The following FAM228B variants were observed in gnomAD, a reference collection of about 807,000 sequenced individuals.
FAM228B encodes the protein protein FAM228B.
A neutral mutation model predicts 42.6 loss-of-function variants in FAM228B; 38 were observed. The observed-to-expected ratio is 0.89, with a 90% confidence interval of 0.69 to 1.17. FAM228B has a LOEUF of 1.17. Ranked by LOEUF, FAM228B falls within the 50% of genes most tolerant of loss-of-function variation. The pLI is 0.00. For synonymous variants in FAM228B, 109 were observed against 122.3 expected, an observed-to-expected ratio of 0.89 and a Z score of 0.72; for missense variants, 344 against 367.3, an observed-to-expected ratio of 0.94 and a Z score of 0.52.
In FAM228B at chr2:24,077,464, C is replaced by T; in HGVS notation, c.-290+495C>T. 1 of 1,269,984 alleles carries T rather than the reference C, an allele frequency of 7.9e-7. No homozygotes were observed. The highest frequency in any genetic ancestry group is 1.7e-5 in the South Asian group (1 of 58,794). 78.7% of individuals were successfully genotyped at this position (1,269,984 alleles called of 1,614,324 possible). ...TTCACTCTTTATTTCCTCATATCAG[C>T]TTTAAACGGCTCTGGAGGAAGCACC... On this transcript the variant is annotated intron_variant, in intron 1 of 10. Coordinates refer to the FAM228B transcript ENST00000613899. This position sits in a 1 kb window ranked among gnomAD's most constrained non-coding sequence, Gnocchi z 5.5.
chr2:24,101,901 C>G (rs180726868), intron 3 of FAM228B, among the ~76,000 whole-genome samples: 4 of 152,248 alleles, frequency 2.6e-5, no homozygotes, highest in Admixed American at 2.6e-4. Flanking sequence ...CCAGGATGGT[C>G]TCTATTTCTT....
chr2:24,155,531 A>ATATATT lies in FAM228B; in HGVS notation c.687-5974_687-5973insATATTT, dbSNP rs1558393367. On this transcript the variant is annotated intron_variant, in intron 7 of 10. Transcript: ENST00000615575. The stretch of plus-strand genomic sequence containing the variant: ...TATATATATATATATATATATATAT[A>ATATATT]TTTTTTTTTTTTTTTTTTTTTTTTT... Among the ~76,000 whole-genome samples, 108 of 13,042 alleles carry ATATATT rather than the reference A, an allele frequency of 8.3e-3. 1 individual carries two copies. Among genetic ancestry groups the ATATATT allele is most frequent in the Non-Finnish European group, 0.014 (89 of 6,180 alleles). 8.6% of individuals were successfully genotyped at this position (13,042 alleles called of 152,430 possible).
At chr2:24,145,441 C>G (rs952470078) in intron 5 of FAM228B, among the ~76,000 whole-genome samples, 1 of 152,164 alleles carries the variant, frequency 6.6e-6, no homozygotes, top group Admixed American at 6.5e-5. Flanking sequence ...GTGTCCTACC[C>G]ATCCAACACC....
rs148802334 is a variant in FAM228B, at chr2:24,156,391, G to A, written c.687-5115G>A. Among the ~76,000 whole-genome samples the A allele has an allele frequency of 3.0e-4, 45 of 152,118 alleles. No individual in the cohort carries two copies. The East Asian group carries it at 8.5e-3, about 29-fold the overall frequency. ...CTCACACCTGTAATCCCAGCATTTTGGGAGGCTGAAGCAGGTAGATCACCG... is the reference window on the plus strand; with the variant it reads ...CTCACACCTGTAATCCCAGCATTTTAGGAGGCTGAAGCAGGTAGATCACCG... On this transcript the variant is annotated intron_variant, in intron 7 of 10. Transcript: ENST00000615575.
chr2:24,129,104 C>T (rs1228354314), intron 2 of FAM228B, among the ~76,000 whole-genome samples: 1 of 152,028 alleles, frequency 6.6e-6, no homozygotes, highest in African/African-American at 2.4e-5. Context: ...TTGCAGTTCT[C>T]CAGAGCTCCA....
chr2:24,091,348 G>A (rs1456057209), intron 2 of FAM228B, among the ~76,000 whole-genome samples: 1 of 152,166 alleles, frequency 6.6e-6, no homozygotes, highest in African/African-American at 2.4e-5. Flanking sequence ...CAGGAGAATG[G>A]CGTGAACCCG....
At chr2:24,090,800 T>G (rs2150991477) in intron 2 of FAM228B, among the ~76,000 whole-genome samples, 1 of 152,214 alleles carries the variant, frequency 6.6e-6, no homozygotes, top group South Asian at 2.1e-4. Flanking sequence ...TATAGTAGAC[T>G]TTTTTTAAAA....
chr2:24,090,129 G>C lies in FAM228B; in HGVS notation c.-209-5012G>C, dbSNP rs550947470. Among the ~76,000 whole-genome samples the C allele has an allele frequency of 4.6e-5, 7 of 152,056 alleles. No individual in the cohort carries two copies. In the South Asian group the frequency reaches 6.2e-4, roughly 14 times the overall value. On this transcript the variant is annotated intron_variant, in intron 2 of 10. Coordinates refer to the FAM228B transcript ENST00000613899. ...CTAAAAATACAAAAAATTAGCCGGGGTGGTGGCTGGCGCCTGTAGTCCCAG... is the reference window on the plus strand; with the variant it reads ...CTAAAAATACAAAAAATTAGCCGGGCTGGTGGCTGGCGCCTGTAGTCCCAG...
At chr2:24,129,387 C>G (rs1217806633) in intron 2 of FAM228B, among the ~76,000 whole-genome samples, 1 of 148,598 alleles carries the variant, frequency 6.7e-6, no homozygotes, top group Non-Finnish European at 1.5e-5. Context: ...AGTGAAAGTT[C>G]TCATCCAGAC....
At position 24,164,450 on chromosome 2, in the gene FAM228B, G is replaced by T. The variant is rs1000149442; in HGVS notation, c.932+115G>T. The T allele has an allele frequency of 1.1e-5, 13 of 1,177,140 alleles. No individual in the cohort carries two copies. The African/African-American group carries it at 2.0e-4, about 18-fold the overall frequency. 72.9% of individuals were successfully genotyped at this position (1,177,140 alleles called of 1,614,324 possible). A position where few individuals can be genotyped will look rare whatever the true frequency, so the allele number is the denominator to read the frequency against. On this transcript the variant is annotated intron_variant, in intron 9 of 10. Coordinates refer to ENST00000615575, the MANE Select transcript of FAM228B (RefSeq NM_001145710.2). Reference sequence around the variant, plus strand: ...CAGGCTTCCAGGAAGAGAGGAGGCAGTGGGGAATAGGTTAGAAGCAGCTGA... The same window carrying T: ...CAGGCTTCCAGGAAGAGAGGAGGCATTGGGGAATAGGTTAGAAGCAGCTGA...
chr2:24,119,781 A>G (rs534797450), upstream of FAM228B: 14 of 802,802 alleles, frequency 1.7e-5, no homozygotes, highest in South Asian at 2.4e-4. Flanking sequence ...TGATTTCCAT[A>G]TGTTTGGAAT....
At chr2:24,155,034 C>T (rs1667103675) in intron 7 of FAM228B, among the ~76,000 whole-genome samples, 3 of 152,154 alleles carry the variant, frequency 2.0e-5, no homozygotes, top group Admixed American at 2.0e-4. Context: ...ATAATCCTAG[C>T]TCTAGTAATT....
chr2:24,102,725 G>A (rs1455152379), intron 3 of FAM228B, among the ~76,000 whole-genome samples: 1 of 152,138 alleles, frequency 6.6e-6, no homozygotes, highest in East Asian at 1.9e-4. Flanking sequence ...GCAACAGAGT[G>A]AGACTCTGTC....
chr2:24,079,538 A>G, intron 1 of FAM228B: 2 of 1,614,130 alleles, frequency 1.2e-6, no homozygotes, highest in Non-Finnish European at 8.5e-7. Flanking sequence ...ACCTCCTCCC[A>G]TCAGACCATA....
intron 7 of FAM228B, 105 bp from the exon 8 acceptor site, chr2:24,161,401 G>A (rs1451466283): frequency 1.0e-5 from 7 of 680,516 alleles, no homozygotes; most frequent in Non-Finnish European, 1.8e-5. Context: ...GCAGTGAGCT[G>A]TGATTGCACC....
chr2:24,103,189 C>CAGGCTCAA lies in FAM228B; in HGVS notation c.-121+7972_-121+7979dup, dbSNP rs776461251. On this transcript the variant is annotated intron_variant, in intron 3 of 10. Transcript: ENST00000613899. The stretch of plus-strand genomic sequence containing the variant: ...ACCTTACAGTTCTTTTGCTCCAAGC[C>CAGGCTCAA]AGGCTCAAAGGCTCAAAGGGCTGTG... Among the ~76,000 whole-genome samples, 11 of 152,260 alleles carry CAGGCTCAA rather than the reference C, an allele frequency of 7.2e-5. No individual in the cohort carries two copies. The South Asian group carries it at 1.9e-3, about 26-fold the overall frequency.
In FAM228B at chr2:24,146,989, T is replaced by G; in HGVS notation, c.589T>G (p.Phe197Val). The G allele has an allele frequency of 6.4e-7, 1 of 1,551,426 alleles. No individual in the cohort carries two copies. The highest frequency in any genetic ancestry group is 1.4e-5 in the African/African-American group (1 of 73,164). The change falls in exon 7 of 11, where the codon TTC becomes GTC. Residue 197 changes from phenylalanine (F) to valine (V), a missense_variant. Physicochemically the swap from Phe to Val is conservative, Grantham distance 50. Transcript: ENST00000615575. ...TGAGAAGGTTCAGCTGCATTCCAGA[T>G]TCCCACAAATTTCTAATTCAAGGCA... ...EVEKVQLHSR[F>V]PQISNSRHFI...
In FAM228B at chr2:24,163,344, T is replaced by C. The variant is rs1281359308; in HGVS notation, c.795-854T>C. Among the ~76,000 whole-genome samples the C allele has an allele frequency of 2.6e-5, 4 of 152,178 alleles. No individual in the cohort carries two copies. In the South Asian group the frequency reaches 6.2e-4, roughly 24 times the overall value. On this transcript the variant is annotated intron_variant, in intron 8 of 10. Coordinates refer to ENST00000615575, the MANE Select transcript of FAM228B (RefSeq NM_001145710.2). ...TCCTGAGGACCTTAGTGATGTACCGTAGAAACAGATGACAGCTGGGGAGGG... is the reference window on the plus strand; with the variant it reads ...TCCTGAGGACCTTAGTGATGTACCGCAGAAACAGATGACAGCTGGGGAGGG...
chr2:24,158,043 C>T (rs1377905667), intron 7 of FAM228B, among the ~76,000 whole-genome samples: 1 of 151,962 alleles, frequency 6.6e-6, no homozygotes, highest in Non-Finnish European at 1.5e-5. Flanking sequence ...ATTCCTGTGT[C>T]CCTCAGTTAA....
Sources: gnomAD v4.1 joint callset for allele counts (sites outside exome capture counted in the v4.1 genomes callset) on GRCh38, gnomAD v4.1.1 for gene constraint, Gnocchi (gnomAD v3.1) non-coding constraint, MANE v1.5 for transcripts, NCBI Gene and HGNC (gene_info 2026-07-23, HGNC 2026-07-21) for gene names.